TPST1: variants seen among roughly 807,000 people sequenced by gnomAD.
The protein encoded by TPST1 is tyrosylprotein sulfotransferase 1.
In TPST1, 20 loss-of-function variants were observed where a neutral mutation model predicts 34.8. The ratio of observed to expected loss-of-function variants is 0.57; its 90% confidence interval spans 0.40 to 0.84. The LOEUF (loss-of-function observed/expected upper bound fraction) is 0.84. TPST1 is among the 40% of genes least tolerant of loss of function. TPST1 has a pLI of 0.00. For synonymous variants in TPST1, 152 were observed against 159.4 expected (o/e 0.95, Z 0.35); for missense variants, 353 against 455.5 (o/e 0.78, Z 2.05).
intron 2 of TPST1, 102 bp downstream of exon 2, chr7:66,241,372 G>C (rs1191835311): frequency 7.2e-7 from 1 of 1,396,370 alleles, no homozygotes; most frequent in Non-Finnish European, 9.5e-7. Context: ...GTATGTTCCT[G>C]TGTGTATATA....
chr7:66,292,797 A>G (rs1180770296), intron 3 of TPST1, among the ~76,000 whole-genome samples: 3 of 150,070 alleles, frequency 2.0e-5, no homozygotes, highest in Non-Finnish European at 3.0e-5. Flanking sequence ...CTCAGATGGA[A>G]ATGCAGAAAT....
intron 1 of TPST1, among the ~76,000 whole-genome samples, chr7:66,211,195 C>T (rs1043613274): frequency 2.0e-5 from 3 of 151,732 alleles, no homozygotes; most frequent in Admixed American, 6.6e-5. Flanking sequence ...AGTGCAATGG[C>T]GCGATCTTGG....
At chr7:66,350,284 G>A (rs1792448430) in intron 3 of TPST1, among the ~76,000 whole-genome samples, 1 of 152,108 alleles carries the variant, frequency 6.6e-6, no homozygotes, top group Non-Finnish European at 1.5e-5. Context: ...CAAAATGCTG[G>A]GATTACAGGC....
chr7:66,250,999 A>C (rs1324913325), intron 2 of TPST1, among the ~76,000 whole-genome samples: 1 of 152,232 alleles, frequency 6.6e-6, no homozygotes, highest in African/African-American at 2.4e-5. Context: ...TGAGAATGAC[A>C]TGCAATTTAA....
chr7:66,328,379 A>G (rs1791915248), intron 3 of TPST1, among the ~76,000 whole-genome samples: 1 of 151,914 alleles, frequency 6.6e-6, no homozygotes, highest in South Asian at 2.1e-4. Flanking sequence ...ATGCTCAATC[A>G]TTTATATGTT....
chr7:66,354,218 T>G (rs1792536881), intron 4 of TPST1, among the ~76,000 whole-genome samples: 1 of 152,090 alleles, frequency 6.6e-6, no homozygotes, highest in African/African-American at 2.4e-5. Flanking sequence ...GGGCATGATG[T>G]CCCAGAAACC....
chr7:66,235,573 T>TA (rs200354627), intron 1 of TPST1, among the ~76,000 whole-genome samples: 2,255 of 152,044 alleles, frequency 0.015, 59 homozygotes, highest in African/African-American at 0.048. Flanking sequence ...ATTCCTTTTT[T>TA]AAAAAAAAGC....
At chr7:66,339,595 A>G (rs772934773) in intron 3 of TPST1, among the ~76,000 whole-genome samples, 4 of 152,100 alleles carry the variant, frequency 2.6e-5, no homozygotes, top group African/African-American at 4.8e-5. Context: ...CAGATGCAAA[A>G]ATCCTCAACA....
intron 3 of TPST1, among the ~76,000 whole-genome samples, chr7:66,307,008 G>A (rs1412428925): frequency 9.2e-5 from 14 of 152,068 alleles, no homozygotes; most frequent in Admixed American, 9.2e-4. Context: ...GAGCCACCGC[G>A]CCTGGCCCAA....
chr7:66,224,605 T>C (rs2116307978), intron 1 of TPST1, among the ~76,000 whole-genome samples: 1 of 152,348 alleles, frequency 6.6e-6, no homozygotes, highest in South Asian at 2.1e-4. Flanking sequence ...GGCCTGTGTG[T>C]GTGCACTGGG....
chr7:66,314,956 G>T (rs943485483), intron 3 of TPST1, among the ~76,000 whole-genome samples: 1 of 152,172 alleles, frequency 6.6e-6, no homozygotes, highest in Non-Finnish European at 1.5e-5. Flanking sequence ...CTCTAGATGA[G>T]CATCCATTGA....
At chr7:66,353,907 C>T (rs1317194757) in intron 4 of TPST1, among the ~76,000 whole-genome samples, 1 of 152,212 alleles carries the variant, frequency 6.6e-6, no homozygotes, top group East Asian at 1.9e-4. Flanking sequence ...TGTCTCACAC[C>T]AGAGTTGAAG....
chr7:66,300,653 A>G (rs1791295827), intron 3 of TPST1, among the ~76,000 whole-genome samples: 1 of 152,152 alleles, frequency 6.6e-6, no homozygotes, highest in African/African-American at 2.4e-5. Flanking sequence ...CTTAAATAAT[A>G]ATCTTGACAG....
intron 5 of TPST1, among the ~76,000 whole-genome samples, chr7:66,358,873 A>C (rs568904331): frequency 6.6e-6 from 1 of 152,340 alleles, no homozygotes; most frequent in East Asian, 1.9e-4. Flanking sequence ...GATGGACCGC[A>C]TCAGCAGTTG....
intron 3 of TPST1, among the ~76,000 whole-genome samples, chr7:66,336,239 GGCGGA>G (rs906572011): frequency 5.9e-5 from 9 of 152,040 alleles, no homozygotes; most frequent in African/African-American, 2.2e-4. Flanking sequence ...GAACCCAGGA[GGCGGA>G]GCTTGCAGTG....
intron 5 of TPST1, among the ~76,000 whole-genome samples, chr7:66,359,667 C>T (rs910344249): frequency 6.6e-6 from 1 of 152,224 alleles, no homozygotes; most frequent in Non-Finnish European, 1.5e-5. Context: ...TTGCACCCAG[C>T]AGCTACTTGC....
intron 2 of TPST1, among the ~76,000 whole-genome samples, chr7:66,259,654 G>T (rs1790447279): frequency 1.3e-5 from 2 of 152,164 alleles, no homozygotes; most frequent in South Asian, 2.1e-4. Context: ...AACAGAAAGT[G>T]TAGAGAGTTC....
intron 3 of TPST1, among the ~76,000 whole-genome samples, chr7:66,347,233 A>T (rs956129723): frequency 1.3e-5 from 2 of 151,322 alleles, no homozygotes; most frequent in East Asian, 3.9e-4. Context: ...ATGCCTGGCT[A>T]ATTTTTGTAT....
chr7:66,357,911 T>C (rs900141398), intron 5 of TPST1, among the ~76,000 whole-genome samples: 5 of 152,028 alleles, frequency 3.3e-5, no homozygotes, highest in Non-Finnish European at 7.4e-5. Flanking sequence ...TAGTGAAACC[T>C]CGTCTCTACT....
Sources: gnomAD v4.1 joint callset for allele counts (sites outside exome capture counted in the v4.1 genomes callset) on GRCh38, gnomAD v4.1.1 for gene constraint, MANE v1.5 for transcripts, NCBI Gene and HGNC (gene_info 2026-07-23, HGNC 2026-07-21) for gene names.